Variants in SFMBT1 observed in about 807,000 individuals in gnomAD.
SFMBT1 encodes the protein scm-like with four MBT domains protein 1.
In SFMBT1, 32 loss-of-function variants were observed where a neutral mutation model predicts 108.7. The ratio of observed to expected loss-of-function variants is 0.29; its 90% confidence interval spans 0.22 to 0.40. SFMBT1 has a LOEUF of 0.40. Among genes scored for constraint, SFMBT1 ranks in the 10% least tolerant of loss-of-function variants. The probability of loss-of-function intolerance (pLI) is 1.00; values close to 1 mark genes in which losing one functional copy is unlikely to be tolerated. For missense variants in SFMBT1, 816 were observed against 1,059.6 expected, an observed-to-expected ratio of 0.77 and a Z score of 3.19; for synonymous variants, 348 against 369.5, an observed-to-expected ratio of 0.94 and a Z score of 0.67.
At chr3:52,934,765 A>G in intron 5 of SFMBT1, 48 bp downstream of exon 5, 1 of 1,474,078 alleles carries the variant, frequency 6.8e-7, no homozygotes. Flanking sequence ...GATTCTTTGA[A>G]AGATCAGATG....
At chr3:53,006,679 T>C (rs901170370) in intron 1 of SFMBT1, among the ~76,000 whole-genome samples, 1 of 151,676 alleles carries the variant, frequency 6.6e-6, no homozygotes, top group Non-Finnish European at 1.5e-5. Context: ...ATCCAAATAT[T>C]ACGTCATTTT....
intron 2 of SFMBT1, among the ~76,000 whole-genome samples, chr3:52,962,632 C>T (rs1392640537): frequency 2.6e-5 from 4 of 151,386 alleles, no homozygotes; most frequent in African/African-American, 7.3e-5. Context: ...ATGATGAAAC[C>T]CCATCTCTAC....
At chr3:52,959,620 C>G in intron 2 of SFMBT1, among the ~76,000 whole-genome samples, 1 of 152,158 alleles carries the variant, frequency 6.6e-6, no homozygotes, top group East Asian at 1.9e-4. Context: ...AGTCTCTACT[C>G]AAATGTTCGT....
At chr3:53,022,116 T>A (rs1051130881) in intron 1 of SFMBT1, among the ~76,000 whole-genome samples, 11 of 152,144 alleles carry the variant, frequency 7.2e-5, no homozygotes, top group Non-Finnish European at 1.0e-4. Context: ...AACAGAAGAA[T>A]CTAAGCTACT....
chr3:53,032,167 C>G (rs374565171), intron 1 of SFMBT1, among the ~76,000 whole-genome samples: 1 of 152,120 alleles, frequency 6.6e-6, no homozygotes, highest in East Asian at 1.9e-4. Context: ...GTCAGGGGTT[C>G]AAGACCAGCC....
At chr3:53,027,878 G>C (rs1699550766) in intron 1 of SFMBT1, among the ~76,000 whole-genome samples, 1 of 152,072 alleles carries the variant, frequency 6.6e-6, no homozygotes, top group Admixed American at 6.5e-5. Flanking sequence ...AAATTTTTTT[G>C]TGTGAAAACT....
chr3:52,935,784 A>G (rs1702986897), intron 4 of SFMBT1, among the ~76,000 whole-genome samples: 2 of 152,146 alleles, frequency 1.3e-5, no homozygotes, highest in African/African-American at 4.8e-5. Flanking sequence ...AGACGCACGC[A>G]TTGCAAATGT....
At chr3:52,930,180 T>C in intron 8 of SFMBT1, 149 bp downstream of exon 8, 1 of 615,618 alleles carries the variant, frequency 1.6e-6, no homozygotes, top group Non-Finnish European at 2.9e-6. Context: ...ACTGGACAAA[T>C]ACAAAACGTG....
Position 52,932,020 on chromosome 3 carries a change from C to G in SFMBT1, c.700+42G>C, listed in dbSNP as rs760592256. On this transcript the variant is annotated intron_variant, in intron 6 of 20. Transcript: ENST00000394752. Reference sequence around the variant, plus strand: ...AGCCTCATAGATATTAATAACATAGCATGTTAATGTCACAGAAGAAAAATG... The same window carrying G: ...AGCCTCATAGATATTAATAACATAGGATGTTAATGTCACAGAAGAAAAATG... The G allele has an allele frequency of 3.2e-6, 5 of 1,587,294 alleles. No individual in the cohort carries two copies. In the South Asian group the frequency reaches 5.7e-5, roughly 18 times the overall value.
At chr3:52,983,291 T>C (rs2564930) in intron 1 of SFMBT1, among the ~76,000 whole-genome samples, 86,277 of 151,970 alleles carry the variant, frequency 0.57, 25,563 homozygotes, top group Middle Eastern at 0.67. Context: ...TATGATTTTC[T>C]TTGTAACATT....
chr3:52,921,319 T>C (rs1298519122), intron 11 of SFMBT1, among the ~76,000 whole-genome samples: 1 of 152,150 alleles, frequency 6.6e-6, no homozygotes, highest in Non-Finnish European at 1.5e-5. Context: ...TTTAGCACAG[T>C]TTACCATTTC....
chr3:52,913,147 C>T (rs1207972268), intron 15 of SFMBT1, among the ~76,000 whole-genome samples: 1 of 152,192 alleles, frequency 6.6e-6, no homozygotes, highest in Non-Finnish European at 1.5e-5. Flanking sequence ...AGCTTTATCA[C>T]GGTCGCTAGG....
At chr3:53,023,592 A>G (rs1699385208) in intron 1 of SFMBT1, among the ~76,000 whole-genome samples, 1 of 152,160 alleles carries the variant, frequency 6.6e-6, no homozygotes, top group Admixed American at 6.5e-5. Context: ...CTCTCCCTGC[A>G]TCATCAGGCC....
At chr3:53,010,913 A>C (rs1320378303) in intron 1 of SFMBT1, among the ~76,000 whole-genome samples, 1 of 152,202 alleles carries the variant, frequency 6.6e-6, no homozygotes, top group Non-Finnish European at 1.5e-5. Flanking sequence ...AGTATTTACC[A>C]ACACAGTTAA....
chr3:52,923,371 G>T (rs757926179), intron 10 of SFMBT1, among the ~76,000 whole-genome samples: 1 of 152,110 alleles, frequency 6.6e-6, no homozygotes, highest in Non-Finnish European at 1.5e-5. Context: ...TTCAACAGAA[G>T]CCTGGCCAAC....
At chr3:53,040,608 C>T (rs988389408) in intron 1 of SFMBT1, among the ~76,000 whole-genome samples, 2 of 150,942 alleles carry the variant, frequency 1.3e-5, no homozygotes, top group East Asian at 1.9e-4. Flanking sequence ...AACCAATGCA[C>T]CAGACCAGTA....
chr3:52,917,824 T>G (rs1702407442), intron 13 of SFMBT1, among the ~76,000 whole-genome samples: 1 of 152,154 alleles, frequency 6.6e-6, no homozygotes, highest in African/African-American at 2.4e-5. Flanking sequence ...CACCCCAGTC[T>G]GTAGAAAAAC....
intron 1 of SFMBT1, among the ~76,000 whole-genome samples, chr3:53,025,993 T>C (rs1159457742): frequency 6.6e-6 from 1 of 152,252 alleles, no homozygotes; most frequent in Non-Finnish European, 1.5e-5. Context: ...GAGCTAATAT[T>C]GCGTGCAAAT....
intron 1 of SFMBT1, among the ~76,000 whole-genome samples, chr3:53,027,335 T>C (rs1054696788): frequency 2.0e-5 from 3 of 152,176 alleles, no homozygotes; most frequent in African/African-American, 7.2e-5. Context: ...CTTTACACTT[T>C]TTTGACAACA....
Sources: allele counts gnomAD v4.1 joint callset (sites outside exome capture counted in the v4.1 genomes callset), GRCh38; gene constraint gnomAD v4.1.1; transcripts MANE v1.5; gene names NCBI Gene and HGNC (gene_info 2026-07-23, HGNC 2026-07-21).